CPNE1: variants seen among roughly 807,000 people sequenced by gnomAD.
The protein encoded by CPNE1 is copine-1.
A neutral mutation model predicts 63.2 loss-of-function variants in CPNE1; 58 were observed. The ratio of observed to expected loss-of-function variants is 0.92; its 90% confidence interval spans 0.74 to 1.14. The LOEUF (loss-of-function observed/expected upper bound fraction) is 1.14. CPNE1 is among the 50% of genes most tolerant of loss of function. CPNE1 has a pLI of 0.00. For synonymous variants in CPNE1, 237 were observed against 249.0 expected (o/e 0.95, Z 0.45); for missense variants, 672 against 661.7 (o/e 1.02, Z -0.17).
At chr20:35,657,206 A>G (rs762176231) in intron 1 of CPNE1, among the ~76,000 whole-genome samples, 4 of 152,226 alleles carry the variant, frequency 2.6e-5, no homozygotes, top group Non-Finnish European at 4.4e-5. Flanking sequence ...TTTCATTTAC[A>G]AACTTCAAGA....
At chr20:35,643,909 G>A (rs1171899085) in intron 1 of CPNE1, among the ~76,000 whole-genome samples, 1 of 152,098 alleles carries the variant, frequency 6.6e-6, no homozygotes, top group African/African-American at 2.4e-5. Context: ...TGCTGCCAGT[G>A]GCCTCCCACT....
Position 35,626,111 on chromosome 20 carries a change from G to A in CPNE1, c.*130C>T. Reference sequence around the variant, plus strand: ...AAAGGTGGGATCAAGAGCAGCAAAAGCAGAAACAAGTATAAAAGTATCAAA... The same window carrying A: ...AAAGGTGGGATCAAGAGCAGCAAAAACAGAAACAAGTATAAAAGTATCAAA... On this transcript the variant is annotated 3_prime_UTR_variant, in exon 16 of 16. Transcript: ENST00000397443. 1 of 991,114 alleles carries A rather than the reference G, an allele frequency of 1.0e-6. No homozygotes were observed. Among genetic ancestry groups the A allele is most frequent in the Non-Finnish European group, 1.6e-6 (1 of 630,478 alleles). The allele number at this position is 991,114 out of a possible 1,614,324, so 61.4% of individuals were successfully genotyped here. A position where few individuals can be genotyped will look rare whatever the true frequency, so the allele number is the denominator to read the frequency against.
chr20:35,664,153 C>T (rs896467590), intron 1 of CPNE1, among the ~76,000 whole-genome samples: 146 of 152,196 alleles, frequency 9.6e-4, no homozygotes, highest in African/African-American at 3.5e-3. Context: ...CAGCAATGGA[C>T]CTCGGAGGCA....
At chr20:35,655,163 T>C in intron 1 of CPNE1, 2 of 1,614,196 alleles carry the variant, frequency 1.2e-6, no homozygotes, top group Non-Finnish European at 1.7e-6. Context: ...ATACCAAGCC[T>C]TGCATCTTCA....
chr20:35,644,481 T>C (rs1445774244), intron 1 of CPNE1, among the ~76,000 whole-genome samples: 1 of 152,168 alleles, frequency 6.6e-6, no homozygotes, highest in African/African-American at 2.4e-5. Flanking sequence ...TCAGTACAGA[T>C]TTCCAGAAAC....
intron 1 of CPNE1, chr20:35,654,368 C>T: frequency 6.2e-7 from 1 of 1,614,216 alleles, no homozygotes; most frequent in Non-Finnish European, 8.5e-7. Context: ...TCTCTGACAT[C>T]ATTTTCCATT....
chr20:35,653,973 A>T, intron 1 of CPNE1: 1 of 1,614,124 alleles, frequency 6.2e-7, no homozygotes, highest in Non-Finnish European at 8.5e-7. Flanking sequence ...CCAGCTTTTT[A>T]AAAAAATCAA....
chr20:35,633,815 C>T (rs1230933247), intron 1 of CPNE1, among the ~76,000 whole-genome samples: 1 of 151,462 alleles, frequency 6.6e-6, no homozygotes, highest in Non-Finnish European at 1.5e-5. Flanking sequence ...AAAAATTAGC[C>T]AGGCATGTTG....
chr20:35,648,580 T>C (rs1032420716), intron 1 of CPNE1, among the ~76,000 whole-genome samples: 2 of 152,236 alleles, frequency 1.3e-5, no homozygotes, highest in African/African-American at 4.8e-5. Context: ...GAATTATATG[T>C]CTAGCCCCCT....
chr20:35,653,227 C>T, intron 1 of CPNE1: 1 of 1,613,572 alleles, frequency 6.2e-7, no homozygotes, highest in Non-Finnish European at 8.5e-7. Context: ...ACCTCCTGCA[C>T]TAGGTATTCC....
At chr20:35,652,635 G>C in intron 1 of CPNE1, 1 of 1,614,090 alleles carries the variant, frequency 6.2e-7, no homozygotes, top group Non-Finnish European at 8.5e-7. Context: ...CTTCACCTGT[G>C]GGCATACCTT....
At chr20:35,628,240 G>A (rs1014592636) in intron 13 of CPNE1, among the ~76,000 whole-genome samples, 17 of 151,754 alleles carry the variant, frequency 1.1e-4, no homozygotes, top group Admixed American at 4.6e-4. Flanking sequence ...AGCCAAGATC[G>A]CGCCACCGCA....
chr20:35,645,163 G>A (rs1024289148), intron 1 of CPNE1, among the ~76,000 whole-genome samples: 22 of 152,218 alleles, frequency 1.4e-4, no homozygotes, highest in African/African-American at 4.8e-4. Context: ...AAAATGAGAT[G>A]AGTAAATGAA....
At chr20:35,653,342 C>A in intron 1 of CPNE1, 1 of 1,613,898 alleles carries the variant, frequency 6.2e-7, no homozygotes, top group Non-Finnish European at 8.5e-7. Context: ...CTGGGCAGTC[C>A]CACACCGGGC....
intron 1 of CPNE1, among the ~76,000 whole-genome samples, chr20:35,660,531 G>A (rs970360416): frequency 3.3e-5 from 5 of 152,044 alleles, no homozygotes; most frequent in African/African-American, 9.7e-5. Context: ...GCCTAACTAA[G>A]TCTAAGGAGT....
intron 1 of CPNE1, among the ~76,000 whole-genome samples, chr20:35,661,120 A>C (rs2034210161): frequency 6.6e-6 from 1 of 152,098 alleles, no homozygotes. Flanking sequence ...TACCCACCCC[A>C]CCCCATACCA....
In CPNE1 at chr20:35,630,928, A is replaced by G; in HGVS notation, c.968T>C (p.Val323Ala). The change falls in exon 11 of 16, where the codon GTG (valine) becomes GCG (alanine). Residue 323 changes from valine (V) to alanine (A), a missense_variant. Val to Ala is a moderately conservative substitution (Grantham distance 64). Transcript: ENST00000397443. ...VNEYLMALWS[V>A]GSVVQDYDSD... ...GTCATAGTCCTGAACCACGCTGCCCACACTCCACAGTGCCATCAGGTACTC... is the reference window on the plus strand; with the variant it reads ...GTCATAGTCCTGAACCACGCTGCCCGCACTCCACAGTGCCATCAGGTACTC... 6.2e-7 allele frequency: 1 copy of G among 1,611,798 alleles called. No homozygotes were observed. The highest frequency in any genetic ancestry group is 8.5e-7 in the Non-Finnish European group (1 of 1,178,388).
At chr20:35,633,635 A>G (rs1247483357) in intron 1 of CPNE1, among the ~76,000 whole-genome samples, 2 of 152,150 alleles carry the variant, frequency 1.3e-5, no homozygotes, top group Admixed American at 6.6e-5. Flanking sequence ...TATTCTAAAT[A>G]CAGCAATCAG....
chr20:35,653,479 A>G, intron 1 of CPNE1: 2 of 1,614,222 alleles, frequency 1.2e-6, no homozygotes, highest in Non-Finnish European at 1.7e-6. Flanking sequence ...TACATGAACA[A>G]AAGCTTCTCT....
Sources: gnomAD v4.1 joint callset for allele counts (sites outside exome capture counted in the v4.1 genomes callset) on GRCh38, gnomAD v4.1.1 for gene constraint, MANE v1.5 for transcripts, NCBI Gene and HGNC (gene_info 2026-07-23, HGNC 2026-07-21) for gene names.